The following ADGRL2 variants were observed in gnomAD, a reference collection of about 807,000 sequenced individuals.
ADGRL2 encodes adhesion G protein-coupled receptor L2.
ADGRL2 carries 44 observed loss-of-function variants against 157.4 expected under a neutral mutation model. The ratio of observed to expected loss-of-function variants is 0.28; its 90% CI spans 0.22 to 0.36. The LOEUF (loss-of-function observed/expected upper bound fraction) is 0.36. Among genes scored for constraint, ADGRL2 ranks in the 10% least tolerant of loss-of-function variants. The pLI, the probability that ADGRL2 is intolerant of heterozygous loss-of-function variation, is 1.00. For missense variants in ADGRL2, 1,510 were observed against 1,768.9 expected (o/e 0.85, Z 2.63); for synonymous variants, 585 against 624.7 (o/e 0.94, Z 0.95).
intron 2 of ADGRL2, among the ~76,000 whole-genome samples, chr1:81,451,147 C>G (rs1213274123): frequency 6.6e-6 from 1 of 151,816 alleles, no homozygotes; most frequent in Non-Finnish European, 1.5e-5. Context: ...TTGATCATAC[C>G]TTTTTTCTTG....
chr1:81,416,849 T>C (rs2101497109), intron 1 of ADGRL2, among the ~76,000 whole-genome samples: 1 of 152,294 alleles, frequency 6.6e-6, no homozygotes, highest in Non-Finnish European at 1.5e-5. Context: ...AAGTTGTCCA[T>C]TCTTAAGAAG....
At chr1:81,575,658 GA>G (rs1480034606) in intron 2 of ADGRL2, among the ~76,000 whole-genome samples, 1 of 152,070 alleles carries the variant, frequency 6.6e-6, no homozygotes, top group Admixed American at 6.6e-5. Context: ...AATACATACA[GA>G]TTTTTTTTGT....
At chr1:81,438,258 A>C (rs1478558561) in intron 1 of ADGRL2, among the ~76,000 whole-genome samples, 2 of 152,222 alleles carry the variant, frequency 1.3e-5, no homozygotes, top group Admixed American at 1.3e-4. Flanking sequence ...AGGAGATCCC[A>C]TTATTAACTT....
At chr1:81,399,062 C>A (rs1249165542) in intron 1 of ADGRL2, among the ~76,000 whole-genome samples, 1 of 152,040 alleles carries the variant, frequency 6.6e-6, no homozygotes, top group Non-Finnish European at 1.5e-5. Context: ...GACTGGGAGG[C>A]CTCAGGAAAC....
At chr1:81,810,200 T>G (rs2149641890) in intron 1 of ADGRL2, among the ~76,000 whole-genome samples, 1 of 152,132 alleles carries the variant, frequency 6.6e-6, no homozygotes. Flanking sequence ...TTGTAAGTAC[T>G]ATGACAGCAG....
chr1:81,435,562 T>C (rs1285783461), intron 1 of ADGRL2, among the ~76,000 whole-genome samples: 4 of 152,224 alleles, frequency 2.6e-5, no homozygotes, highest in Middle Eastern at 3.2e-3. Context: ...TAGGCCAAGA[T>C]GAACTAATAA....
upstream of ADGRL2, among the ~76,000 whole-genome samples, chr1:81,796,830 A>G (rs1179952998): frequency 6.6e-6 from 1 of 152,172 alleles, no homozygotes; most frequent in Non-Finnish European, 1.5e-5. Context: ...TTAAACTGTC[A>G]TTACTTTTGG....
intron 3 of ADGRL2, among the ~76,000 whole-genome samples, chr1:81,936,024 T>C (rs150440280): frequency 1.3e-5 from 2 of 152,032 alleles, no homozygotes; most frequent in African/African-American, 4.8e-5. Flanking sequence ...GTCATCTCAT[T>C]AATTATATAG....
intron 2 of ADGRL2, among the ~76,000 whole-genome samples, chr1:81,487,413 G>A (rs1344766305): frequency 6.6e-6 from 1 of 152,182 alleles, no homozygotes; most frequent in East Asian, 1.9e-4. Flanking sequence ...GGGAGGCTGA[G>A]GCAGGCAGAT....
At chr1:81,818,449 T>A (rs2149799963) in intron 1 of ADGRL2, among the ~76,000 whole-genome samples, 1 of 152,296 alleles carries the variant, frequency 6.6e-6, no homozygotes, top group South Asian at 2.1e-4. Flanking sequence ...TTGACAGAAC[T>A]TCTGGTACTG....
chr1:81,688,017 A>G (rs1441314413), intron 3 of ADGRL2, among the ~76,000 whole-genome samples: 1 of 152,170 alleles, frequency 6.6e-6, no homozygotes, highest in East Asian at 1.9e-4. Context: ...TCTAGCTTGT[A>G]GGGTTTCTGC....
intron 2 of ADGRL2, among the ~76,000 whole-genome samples, chr1:81,841,859 G>C (rs1387409588): frequency 1.3e-5 from 2 of 152,132 alleles, no homozygotes; most frequent in Non-Finnish European, 2.9e-5. Flanking sequence ...TGTATAATGA[G>C]GGAAAAGACA....
chr1:81,569,320 C>G (rs745911803), intron 2 of ADGRL2, among the ~76,000 whole-genome samples: 3 of 152,182 alleles, frequency 2.0e-5, no homozygotes, highest in Admixed American at 6.5e-5. Flanking sequence ...GGTCACACAT[C>G]TAGCAAGTGG....
At chr1:81,657,185 G>A (rs535848459) in intron 3 of ADGRL2, among the ~76,000 whole-genome samples, 1 of 152,136 alleles carries the variant, frequency 6.6e-6, no homozygotes, top group East Asian at 1.9e-4. Context: ...TCCCTAATGT[G>A]ATCATATTAA....
rs1655007697 is a variant in ADGRL2, at chr1:81,960,540, T to C, written c.2017+4480T>C. ...CCCAGGCTGGAGTGCAGTGGCATGA[T>C]CTCGGCTCACTGCAACCTTCGCTTC... On this transcript the variant is annotated intron_variant, in intron 11 of 23. Transcript: ENST00000686636. Among the ~76,000 whole-genome samples the C allele has an allele frequency of 2.9e-5, 4 of 136,202 alleles. No individual in the cohort carries two copies. In the South Asian group the frequency reaches 9.5e-4, roughly 32 times the overall value. 89.4% of individuals were successfully genotyped at this position (136,202 alleles called of 152,430 possible).
rs552918724 is a variant in ADGRL2, at chr1:81,433,780, T to G, written c.-301-11256T>G. Reference sequence around the variant, plus strand: ...ATCTCTCACTTTTCCGTGGATTGACTGGACTCTGTTGGGTTGTCCTCACTC... The same window carrying G: ...ATCTCTCACTTTTCCGTGGATTGACGGGACTCTGTTGGGTTGTCCTCACTC... On this transcript the variant is annotated intron_variant, in intron 1 of 24. Coordinates refer to the ADGRL2 transcript ENST00000370721. Among the ~76,000 whole-genome samples the G allele has an allele frequency of 1.1e-3, 173 of 152,364 alleles. 1 individual carries two copies. The highest frequency in any genetic ancestry group is 4.1e-3 in the African/African-American group (171 of 41,588).
chr1:81,774,552 T>C lies in ADGRL2; in HGVS notation c.-101+12700T>C, dbSNP rs1571168704. 3.9e-5 allele frequency among the ~76,000 whole-genome samples: 6 copies of C among 152,196 alleles called. No individual in the cohort carries two copies. The South Asian group carries it at 8.3e-4, about 21-fold the overall frequency. On this transcript the variant is annotated intron_variant, in intron 2 of 20. Coordinates refer to the ADGRL2 transcript ENST00000359929. Reference sequence around the variant, plus strand: ...ATCTGTAGGCATGTGGGCTAAAATATTGGTATTTTTAATATGTTCACAAGT... The same window carrying C: ...ATCTGTAGGCATGTGGGCTAAAATACTGGTATTTTTAATATGTTCACAAGT...
chr1:81,798,954 G>A (rs1488376396), upstream of ADGRL2, among the ~76,000 whole-genome samples: 2 of 152,032 alleles, frequency 1.3e-5, no homozygotes. Context: ...CTTCAAAGAT[G>A]AACAAAGAAG....
In ADGRL2 at chr1:81,970,376, G is replaced by A. The variant is rs200872583; in HGVS notation, c.2796G>A (p.Met932Ile). 2.5e-6 allele frequency: 4 copies of A among 1,596,170 alleles called. No individual in the cohort carries two copies. In the East Asian group the frequency reaches 9.0e-5, roughly 36 times the overall value. The change falls in exon 16 of 24, where the codon ATG (methionine) becomes ATA (isoleucine). Residue 932 changes from methionine to isoleucine, a missense_variant. Transcript: ENST00000686636. ...HFFFLAAFAWMCLEGVQLYLM... is the reference protein window; with the variant it reads ...HFFFLAAFAWICLEGVQLYLM... ...TCTTTTTGGCAGCTTTTGCTTGGAT[G>A]TGCCTAGAAGGTGTGCAGCTCTACC...
Sources: gnomAD v4.1 joint callset for allele counts (sites outside exome capture counted in the v4.1 genomes callset) on GRCh38, gnomAD v4.1.1 for gene constraint, MANE v1.5 for transcripts, NCBI Gene and HGNC (gene_info 2026-07-23, HGNC 2026-07-21) for gene names.